Variants in FMN2 observed in about 807,000 individuals in gnomAD.
FMN2 encodes formin-2.
In FMN2, 51 loss-of-function variants were observed where a neutral mutation model predicts 142.3. That is an observed-to-expected ratio of 0.36 (90% CI 0.29 to 0.45). The LOEUF is 0.45. FMN2 is among the 20% of genes least tolerant of loss of function. The pLI, the probability that FMN2 is intolerant of heterozygous loss-of-function variation, is 1.00. For synonymous variants in FMN2, 882 were observed against 869.8 expected (o/e 1.01, Z -0.25); for missense variants, 1,936 against 2,122.8 (o/e 0.91, Z 1.73).
chr1:240,302,981 T>C (rs1365100623), intron 8 of FMN2, among the ~76,000 whole-genome samples: 1 of 152,020 alleles, frequency 6.6e-6, no homozygotes, highest in African/African-American at 2.4e-5. Flanking sequence ...TATACAATAA[T>C]ATAGAAAGAT....
intron 6 of FMN2, among the ~76,000 whole-genome samples, chr1:240,241,825 C>CTTCTTTTTTTTTTT (rs1667908718): frequency 2.1e-5 from 2 of 96,202 alleles, no homozygotes; most frequent in Non-Finnish European, 2.1e-5. Context: ...GTGTGCCTTG[C>CTTCTTTTTTTTTTT]TTTTTTTTTT....
chr1:240,136,188 A>C (rs546134195), intron 2 of FMN2, among the ~76,000 whole-genome samples: 2 of 152,132 alleles, frequency 1.3e-5, no homozygotes, highest in Non-Finnish European at 2.9e-5. Context: ...TGATTTAATA[A>C]ATTTCTAATA....
At chr1:240,392,185 C>A (rs1673626304) in intron 14 of FMN2, among the ~76,000 whole-genome samples, 1 of 151,756 alleles carries the variant, frequency 6.6e-6, no homozygotes. Flanking sequence ...CATTTAAACA[C>A]TGACACATCT....
chr1:240,228,446 A>G (rs1040987050), intron 6 of FMN2, among the ~76,000 whole-genome samples: 8 of 152,028 alleles, frequency 5.3e-5, no homozygotes, highest in Non-Finnish European at 8.8e-5. Context: ...ATTCAACACT[A>G]TTAGCATTAG....
intron 8 of FMN2, 111 bp downstream of exon 8, chr1:240,294,994 G>T (rs936242485): frequency 4.9e-5 from 45 of 922,418 alleles, no homozygotes; most frequent in Non-Finnish European, 6.8e-5. Context: ...TTTGATCCGA[G>T]TGTAGTGAAT....
intron 16 of FMN2, among the ~76,000 whole-genome samples, chr1:240,448,410 T>G (rs138719327): frequency 2.3e-3 from 350 of 152,304 alleles, no homozygotes; most frequent in African/African-American, 7.9e-3. Context: ...CAATTATTCA[T>G]CTATTGTGAA....
intron 16 of FMN2, among the ~76,000 whole-genome samples, chr1:240,447,060 C>A (rs145457204): frequency 6.8e-4 from 103 of 152,278 alleles, no homozygotes; most frequent in African/African-American, 2.3e-3. Context: ...CTAGAGGTAT[C>A]GATCCCTACG....
chr1:240,232,057 ATTCTTT>A (rs962729645), intron 6 of FMN2, among the ~76,000 whole-genome samples: 4 of 152,026 alleles, frequency 2.6e-5, no homozygotes, highest in Admixed American at 6.6e-5. Flanking sequence ...CCATTTGCTC[ATTCTTT>A]TTCTTTTTCT....
chr1:240,275,056 A>G (rs1412133449), intron 7 of FMN2, among the ~76,000 whole-genome samples: 1 of 149,636 alleles, frequency 6.7e-6, no homozygotes, highest in South Asian at 2.1e-4. Context: ...AATTGGGGTC[A>G]AGAAAGGGTG....
intron 15 of FMN2, among the ~76,000 whole-genome samples, chr1:240,427,924 A>G (rs1043400400): frequency 1.3e-5 from 2 of 152,310 alleles, no homozygotes; most frequent in Middle Eastern, 6.8e-3. Context: ...AACTCCTTAT[A>G]ATTTGTAAAA....
At chr1:240,223,742 T>TAAA (rs1667202206) in intron 6 of FMN2, among the ~76,000 whole-genome samples, 1 of 152,216 alleles carries the variant, frequency 6.6e-6, no homozygotes, top group African/African-American at 2.4e-5. Flanking sequence ...AATTTATCCA[T>TAAA]TTCTTCTAGA....
chr1:240,393,192 G>A (rs889450373), intron 15 of FMN2, among the ~76,000 whole-genome samples: 1 of 150,954 alleles, frequency 6.6e-6, no homozygotes, highest in Non-Finnish European at 1.5e-5. Flanking sequence ...TTCACAAATT[G>A]AAGGTTTGTG....
chr1:240,278,882 G>A (rs900648000), intron 7 of FMN2, among the ~76,000 whole-genome samples: 1 of 152,106 alleles, frequency 6.6e-6, no homozygotes. Context: ...GCAGATTTTT[G>A]TAATGATGGA....
chr1:240,438,053 T>G lies in FMN2; in HGVS notation c.4911-8T>G. The G allele has an allele frequency of 6.2e-7, 1 of 1,611,500 alleles. No individual in the cohort carries two copies. The highest frequency in any genetic ancestry group is 8.5e-7 in the Non-Finnish European group (1 of 1,179,354). Reference sequence around the variant, plus strand: ...CTTTTATGCTTTTGTGTGTGTATGATTTGACAGCTTTTTGGAGACCACGGC... The same window carrying G: ...CTTTTATGCTTTTGTGTGTGTATGAGTTGACAGCTTTTTGGAGACCACGGC... On this transcript the variant is annotated splice_polypyrimidine_tract_variant and splice_region_variant and intron_variant, in intron 15 of 17. Transcript: ENST00000319653.
chr1:240,214,550 C>CA (rs35698298), intron 6 of FMN2, among the ~76,000 whole-genome samples: 82 of 122,136 alleles, frequency 6.7e-4, no homozygotes, highest in Middle Eastern at 4.2e-3. Context: ...GACTCCATCT[C>CA]AAAAAAAAAA....
chr1:240,134,229 G>C (rs1220250233), intron 2 of FMN2, among the ~76,000 whole-genome samples: 1 of 152,212 alleles, frequency 6.6e-6, no homozygotes, highest in Non-Finnish European at 1.5e-5. Flanking sequence ...GAAGAGAGCT[G>C]TAGGAAAGCC....
intron 13 of FMN2, among the ~76,000 whole-genome samples, chr1:240,336,137 C>G (rs1671547319): frequency 1.3e-5 from 2 of 152,004 alleles, no homozygotes; most frequent in African/African-American, 2.4e-5. Flanking sequence ...GAGCGAAACT[C>G]CATCTCAAAA....
chr1:240,170,149 C>T (rs537036678), intron 2 of FMN2: 86 of 768,822 alleles, frequency 1.1e-4, no homozygotes, highest in Admixed American at 2.3e-4. Context: ...CCATCCCTGG[C>T]GCCGACCAGA....
chr1:240,225,511 T>C (rs1446791863), intron 6 of FMN2, among the ~76,000 whole-genome samples: 2 of 152,186 alleles, frequency 1.3e-5, no homozygotes, highest in Admixed American at 1.3e-4. Context: ...CAGATTTCAC[T>C]GAATGAGCCT....
Sources: allele counts gnomAD v4.1 joint callset (sites outside exome capture counted in the v4.1 genomes callset), GRCh38; gene constraint gnomAD v4.1.1; transcripts MANE v1.5; gene names NCBI Gene and HGNC (gene_info 2026-07-23, HGNC 2026-07-21).